The following CADM2 variants were observed in gnomAD, a reference collection of about 807,000 sequenced individuals.
The protein encoded by CADM2 is immunoglobulin superfamily member 4D.
In CADM2, 12 loss-of-function variants were observed where a neutral mutation model predicts 49.8. The ratio of observed to expected loss-of-function variants is 0.24; its 90% CI spans 0.15 to 0.39. The LOEUF (loss-of-function observed/expected upper bound fraction) is 0.39. Ranked by LOEUF, CADM2 falls within the 10% of genes least tolerant of loss-of-function variation. CADM2 has a pLI of 1.00. For synonymous variants in CADM2, 214 were observed against 175.4 expected (o/e 1.22, Z -1.74); for missense variants, 378 against 492.3 (o/e 0.77, Z 2.20).
intron 1 of CADM2, among the ~76,000 whole-genome samples, chr3:85,481,001 T>C (rs879365437): frequency 1.5e-4 from 23 of 151,744 alleles, no homozygotes; most frequent in Non-Finnish European, 3.2e-4. Context: ...ATATTTTCTC[T>C]CTCAGCACAT....
At chr3:85,766,489 A>G (rs1395754176) in intron 2 of CADM2, among the ~76,000 whole-genome samples, 4 of 152,182 alleles carry the variant, frequency 2.6e-5, no homozygotes, top group Non-Finnish European at 5.9e-5. Context: ...CTCCTTGAAA[A>G]CATAGCCACT....
intron 1 of CADM2, among the ~76,000 whole-genome samples, chr3:85,654,249 A>T (rs9878876): frequency 0.38 from 58,366 of 152,068 alleles, 12,309 homozygotes; most frequent in East Asian, 0.54. Flanking sequence ...CATGGTTGTA[A>T]GCTGAATGGG....
chr3:85,488,066 C>T lies in CADM2; in HGVS notation c.62-238456C>T, dbSNP rs570850358. ...CAGTTCTTAAAAAATACTTTGTACA[C>T]AAGTAAGGATATAATTTAGATAGAA... On this transcript the variant is annotated intron_variant, in intron 1 of 9. Transcript: ENST00000383699. Among the ~76,000 whole-genome samples the T allele has an allele frequency of 5.3e-5, 8 of 152,132 alleles. No individual in the cohort carries two copies. In the East Asian group the frequency reaches 1.4e-3, roughly 26 times the overall value.
chr3:85,823,433 A>C (rs2073715162), intron 3 of CADM2, among the ~76,000 whole-genome samples: 1 of 152,114 alleles, frequency 6.6e-6, no homozygotes, highest in East Asian at 1.9e-4. Flanking sequence ...TTGCCAATCT[A>C]CTTCTAGAAA....
At chr3:85,249,428 A>G (rs1349240037) in intron 1 of CADM2, among the ~76,000 whole-genome samples, 1 of 151,970 alleles carries the variant, frequency 6.6e-6, no homozygotes, top group African/African-American at 2.4e-5. Context: ...TTACAAAGCA[A>G]TTCTCACCAA....
At chr3:85,942,328 T>C (rs1440652573) in intron 7 of CADM2, among the ~76,000 whole-genome samples, 1 of 151,854 alleles carries the variant, frequency 6.6e-6, no homozygotes, top group Non-Finnish European at 1.5e-5. Flanking sequence ...AATTGTTTTT[T>C]TTTGTTTGTT....
intron 1 of CADM2, among the ~76,000 whole-genome samples, chr3:85,030,734 G>C (rs2034939694): frequency 1.3e-5 from 2 of 152,054 alleles, no homozygotes; most frequent in South Asian, 4.1e-4. Flanking sequence ...CTCCCAGCCA[G>C]GTCTTCAATC....
At chr3:85,461,835 C>A (rs1576598241) in intron 1 of CADM2, among the ~76,000 whole-genome samples, 1 of 152,244 alleles carries the variant, frequency 6.6e-6, no homozygotes, top group East Asian at 1.9e-4. Context: ...TTAATGCCAA[C>A]ATCTATATCC....
intron 8 of CADM2, chr3:86,013,154 A>G: frequency 2.2e-6 from 3 of 1,353,780 alleles, no homozygotes; most frequent in Non-Finnish European, 3.2e-6. Context: ...GAAAACGAAT[A>G]AAAGAACTGA....
At chr3:85,131,651 A>G (rs1024909121) in intron 1 of CADM2, among the ~76,000 whole-genome samples, 4 of 152,206 alleles carry the variant, frequency 2.6e-5, no homozygotes, top group Non-Finnish European at 4.4e-5. Flanking sequence ...TTAAGGTAAT[A>G]TAACTTACCT....
intron 2 of CADM2, among the ~76,000 whole-genome samples, chr3:85,760,766 T>G (rs963838649): frequency 3.3e-5 from 5 of 152,196 alleles, no homozygotes; most frequent in African/African-American, 1.2e-4. Context: ...TATATTGAAA[T>G]CAATTTTCTT....
intron 8 of CADM2, among the ~76,000 whole-genome samples, chr3:86,016,989 G>T (rs1474463802): frequency 6.6e-6 from 1 of 151,728 alleles, no homozygotes; most frequent in Non-Finnish European, 1.5e-5. Flanking sequence ...TTCAAAAGAA[G>T]AAAATCAATC....
At chr3:85,068,449 G>A (rs2036600153) in intron 1 of CADM2, among the ~76,000 whole-genome samples, 1 of 152,116 alleles carries the variant, frequency 6.6e-6, no homozygotes, top group Admixed American at 6.6e-5. Context: ...CATATGTTAA[G>A]TTGAATTCTG....
At chr3:86,036,259 A>T (rs1268781124) in intron 8 of CADM2, among the ~76,000 whole-genome samples, 1 of 152,076 alleles carries the variant, frequency 6.6e-6, no homozygotes, top group African/African-American at 2.4e-5. Flanking sequence ...TTGCATCCTT[A>T]CTTCTCATCC....
rs571606653 is a variant in CADM2, at chr3:85,544,701, T to C, written c.62-181821T>C. On this transcript the variant is annotated intron_variant, in intron 1 of 9. Transcript: ENST00000383699. The stretch of plus-strand genomic sequence containing the variant: ...ATGCAACGAAATAAACCATTTGACA[T>C]GATAACTTTATTACTGGAGTGGAAT... 2.0e-5 allele frequency among the ~76,000 whole-genome samples: 3 copies of C among 152,232 alleles called. No individual in the cohort carries two copies. The South Asian group carries it at 6.2e-4, about 32-fold the overall frequency.
chr3:86,038,233 T>G (rs529661101), intron 8 of CADM2, among the ~76,000 whole-genome samples: 4 of 152,228 alleles, frequency 2.6e-5, no homozygotes, highest in Non-Finnish European at 4.4e-5. Flanking sequence ...TAACATGTGT[T>G]AAATCCATGA....
chr3:85,603,021 A>G (rs2063452281), intron 1 of CADM2, among the ~76,000 whole-genome samples: 1 of 151,806 alleles, frequency 6.6e-6, no homozygotes. Flanking sequence ...ACACCAGGTT[A>G]TAGTGTCTTT....
intron 1 of CADM2, among the ~76,000 whole-genome samples, chr3:85,302,889 CA>C (rs1490602995): frequency 1.3e-5 from 2 of 151,792 alleles, no homozygotes; most frequent in African/African-American, 4.8e-5. Flanking sequence ...ATTTAATAAC[CA>C]GACAGCATTT....
intron 1 of CADM2, among the ~76,000 whole-genome samples, chr3:85,434,002 C>A (rs1390122191): frequency 6.6e-6 from 1 of 152,026 alleles, no homozygotes; most frequent in African/African-American, 2.4e-5. Flanking sequence ...TTCCTGACAC[C>A]TGTAGACAAT....
Sources: gnomAD v4.1 joint callset for allele counts (sites outside exome capture counted in the v4.1 genomes callset) on GRCh38, gnomAD v4.1.1 for gene constraint, MANE v1.5 for transcripts, NCBI Gene and HGNC (gene_info 2026-07-23, HGNC 2026-07-21) for gene names.